Variants in FER observed in about 807,000 individuals in gnomAD.
FER encodes the protein FER tyrosine kinase, also known as tyrosine-protein kinase Fer.
In FER, 63 loss-of-function variants were observed where a neutral mutation model predicts 111.0. The ratio of observed to expected loss-of-function variants is 0.57; its 90% confidence interval spans 0.46 to 0.70. The LOEUF is 0.70. FER is among the 30% of genes least tolerant of loss of function. The pLI, the probability that FER is intolerant of heterozygous loss-of-function variation, is 0.00. For missense variants in FER, 914 were observed against 954.0 expected (o/e 0.96, Z 0.55); for synonymous variants, 327 against 313.9 (o/e 1.04, Z -0.44).
intron 13 of FER, among the ~76,000 whole-genome samples, chr5:109,014,085 A>C (rs12522026): frequency 0.58 from 85,954 of 147,196 alleles, 25,715 homozygotes; most frequent in African/African-American, 0.65. Context: ...TCTTTAGTTT[A>C]ATTAGATCCC....
At chr5:108,793,519 C>CGGTGGG (rs1554065855) in intron 2 of FER, among the ~76,000 whole-genome samples, 1 of 103,156 alleles carries the variant, frequency 9.7e-6, no homozygotes, top group South Asian at 2.9e-4. Flanking sequence ...TTTGGCGGGG[C>CGGTGGG]GGGGGGGGTG....
At chr5:109,170,825 C>T (rs1757023711) in intron 17 of FER, among the ~76,000 whole-genome samples, 1 of 152,116 alleles carries the variant, frequency 6.6e-6, no homozygotes, top group Admixed American at 6.6e-5. Flanking sequence ...GTATTGTCAA[C>T]ATGGAAAGCT....
chr5:108,969,209 A>G (rs1760301249), intron 13 of FER, among the ~76,000 whole-genome samples: 1 of 152,196 alleles, frequency 6.6e-6, no homozygotes, highest in African/African-American at 2.4e-5. Context: ...CTATGCATGT[A>G]TGAAGTTGTG....
rs544741825 is a variant in FER, at chr5:108,977,908, C to T, written c.1656+18561C>T. 3.9e-5 allele frequency among the ~76,000 whole-genome samples: 6 copies of T among 152,238 alleles called. No homozygotes were observed. In the South Asian group the frequency reaches 6.2e-4, roughly 16 times the overall value. Reference sequence around the variant, plus strand: ...GTCACCCAGCTGGAGTGCAGTGGTACGATCTTGGCTCACTGCAGCCCCTGC... The same window carrying T: ...GTCACCCAGCTGGAGTGCAGTGGTATGATCTTGGCTCACTGCAGCCCCTGC... On this transcript the variant is annotated intron_variant, in intron 13 of 19. Coordinates refer to ENST00000281092, the MANE Select transcript of FER (RefSeq NM_005246.4).
intron 10 of FER, among the ~76,000 whole-genome samples, chr5:108,931,682 T>C (rs1260868682): frequency 6.6e-6 from 1 of 152,012 alleles, no homozygotes; most frequent in Non-Finnish European, 1.5e-5. Flanking sequence ...ATAGAAAAAT[T>C]AGCTAGGCAT....
chr5:108,908,983 A>G (rs571035339), intron 10 of FER, among the ~76,000 whole-genome samples: 1 of 152,330 alleles, frequency 6.6e-6, no homozygotes, highest in East Asian at 1.9e-4. Flanking sequence ...GTGAGCCAAG[A>G]TGACATCACT....
At chr5:109,043,149 C>T (rs983873023) in intron 14 of FER, among the ~76,000 whole-genome samples, 21 of 151,694 alleles carry the variant, frequency 1.4e-4, no homozygotes, top group African/African-American at 4.1e-4. Flanking sequence ...TTCTAGTAAC[C>T]GAAAAAAGTA....
chr5:109,039,669 T>C (rs75184738), intron 14 of FER, among the ~76,000 whole-genome samples: 8,545 of 152,120 alleles, frequency 0.056, 373 homozygotes, highest in Non-Finnish European at 0.079. Flanking sequence ...AAACAGCCAA[T>C]GCAAAATTTG....
intron 16 of FER, among the ~76,000 whole-genome samples, chr5:109,081,685 C>A (rs1777002350): frequency 1.3e-5 from 2 of 151,998 alleles, no homozygotes; most frequent in Non-Finnish European, 2.9e-5. Flanking sequence ...ACAGACATTT[C>A]AGCAACAGGA....
At chr5:108,750,293 CT>C (rs1293214635) in intron 1 of FER, among the ~76,000 whole-genome samples, 26 of 151,802 alleles carry the variant, frequency 1.7e-4, no homozygotes, top group African/African-American at 6.0e-4. Context: ...ATTGCAAAAT[CT>C]TTAGTGCAGT....
At chr5:108,761,216 C>T (rs1287367136) in intron 1 of FER, among the ~76,000 whole-genome samples, 1 of 152,228 alleles carries the variant, frequency 6.6e-6, no homozygotes, top group East Asian at 1.9e-4. Flanking sequence ...GTGTGAGCCA[C>T]TGCACCTGGC....
intron 16 of FER, among the ~76,000 whole-genome samples, chr5:109,086,855 A>C (rs1205574293): frequency 6.6e-6 from 1 of 151,086 alleles, no homozygotes; most frequent in Non-Finnish European, 1.5e-5. Context: ...AGAAGCTACA[A>C]ATTTAAAATG....
chr5:108,911,499 T>C (rs921806042), intron 10 of FER, among the ~76,000 whole-genome samples: 1 of 152,208 alleles, frequency 6.6e-6, no homozygotes, highest in African/African-American at 2.4e-5. Flanking sequence ...TTTGTTTTTG[T>C]TGCATTTGCT....
intron 9 of FER, chr5:108,891,637 G>GT (rs908987776): frequency 1.2e-4 from 18 of 149,824 alleles, no homozygotes; most frequent in Non-Finnish European, 2.1e-4. Context: ...GATCTCAGAG[G>GT]TTTTTTTCTC....
intron 13 of FER, among the ~76,000 whole-genome samples, chr5:108,995,678 G>C (rs557611871): frequency 6.6e-6 from 1 of 152,230 alleles, no homozygotes; most frequent in Admixed American, 6.5e-5. Flanking sequence ...ATGGGCATTT[G>C]GGTTGGTTCC....
intron 13 of FER, among the ~76,000 whole-genome samples, chr5:109,010,392 C>T (rs1302105310): frequency 6.6e-6 from 1 of 151,986 alleles, no homozygotes; most frequent in African/African-American, 2.4e-5. Context: ...CTCCTGACCT[C>T]GTGATCCGCC....
chr5:109,081,226 CAA>C (rs1015647969), intron 16 of FER, among the ~76,000 whole-genome samples: 2 of 152,070 alleles, frequency 1.3e-5, no homozygotes, highest in African/African-American at 4.8e-5. Flanking sequence ...TAAAACTCAA[CAA>C]AGTTAATCTT....
intron 5 of FER, 102 bp from the exon 6 acceptor site, chr5:108,867,665 G>T (rs990700491): frequency 8.6e-7 from 1 of 1,164,670 alleles, no homozygotes; most frequent in African/African-American, 1.6e-5. Context: ...TAAAAAATGC[G>T]TGAAATAACA....
At chr5:108,904,915 A>G (rs1055546131) in intron 10 of FER, among the ~76,000 whole-genome samples, 1 of 152,242 alleles carries the variant, frequency 6.6e-6, no homozygotes, top group African/African-American at 2.4e-5. Flanking sequence ...AACCATTACT[A>G]TTATTAAATT....
Sources: allele counts gnomAD v4.1 joint callset (sites outside exome capture counted in the v4.1 genomes callset), GRCh38; gene constraint gnomAD v4.1.1; transcripts MANE v1.5; gene names NCBI Gene and HGNC (gene_info 2026-07-23, HGNC 2026-07-21).